The following DNAJC5B variants were observed in gnomAD, a reference collection of about 807,000 sequenced individuals.
DNAJC5B encodes DnaJ heat shock protein family (Hsp40) member C5 beta.
DNAJC5B carries 23 observed loss-of-function variants against 24.7 expected under a neutral mutation model. That is an observed-to-expected ratio of 0.93 (90% CI 0.67 to 1.32). DNAJC5B has a LOEUF of 1.32. Among genes scored for constraint, DNAJC5B ranks in the 40% most tolerant of loss-of-function variants. The pLI, the probability that DNAJC5B is intolerant of heterozygous loss-of-function variation, is 0.00. For missense variants in DNAJC5B, 238 were observed against 240.8 expected, an observed-to-expected ratio of 0.99 and a Z score of 0.08; for synonymous variants, 101 against 90.1, an observed-to-expected ratio of 1.12 and a Z score of -0.68.
intron 4 of DNAJC5B, 61 bp downstream of exon 4, chr8:66,076,934 T>G: frequency 1.3e-6 from 2 of 1,559,816 alleles, no homozygotes; most frequent in Non-Finnish European, 1.8e-6. Context: ...ATCACTCTTT[T>G]AGATTCCATC....
chr8:66,070,740 C>T (rs2128962834), intron 3 of DNAJC5B, among the ~76,000 whole-genome samples: 1 of 152,236 alleles, frequency 6.6e-6, no homozygotes, highest in East Asian at 1.9e-4. Flanking sequence ...CCCGCATAGC[C>T]AAGACAATTC....
At chr8:66,058,322 G>A (rs1807010546) in intron 3 of DNAJC5B, among the ~76,000 whole-genome samples, 1 of 152,146 alleles carries the variant, frequency 6.6e-6, no homozygotes, top group Non-Finnish European at 1.5e-5. Flanking sequence ...CTCGGAGAGG[G>A]AAACCCTGTA....
At chr8:66,070,554 A>G (rs1807323512) in intron 3 of DNAJC5B, among the ~76,000 whole-genome samples, 1 of 152,030 alleles carries the variant, frequency 6.6e-6, no homozygotes, top group African/African-American at 2.4e-5. Flanking sequence ...GAAATAAGAG[A>G]GGACACAAAT....
At chr8:66,060,357 C>T (rs928360385) in intron 3 of DNAJC5B, among the ~76,000 whole-genome samples, 1 of 152,190 alleles carries the variant, frequency 6.6e-6, no homozygotes, top group Non-Finnish European at 1.5e-5. Context: ...GTTCTTTAGA[C>T]GTACCCAGCT....
intron 5 of DNAJC5B, among the ~76,000 whole-genome samples, chr8:66,095,249 T>A (rs1807924939): frequency 6.6e-6 from 1 of 152,096 alleles, no homozygotes; most frequent in Non-Finnish European, 1.5e-5. Context: ...TTGATTTAAT[T>A]TACTTAATGT....
chr8:66,038,759 GGTTCT>G (rs1806542462), intron 1 of DNAJC5B, among the ~76,000 whole-genome samples: 1 of 152,102 alleles, frequency 6.6e-6, no homozygotes. Context: ...CAGGGATCAA[GGTTCT>G]GTTTATGTTT....
At chr8:66,047,760 C>T (rs1806753555) in intron 2 of DNAJC5B, among the ~76,000 whole-genome samples, 1 of 152,180 alleles carries the variant, frequency 6.6e-6, no homozygotes, top group South Asian at 2.1e-4. Context: ...AGGATTCCAG[C>T]CCCTGAGGAG....
rs1375784874 is a variant in DNAJC5B at position 66,099,921 on chromosome 8, C to T, written c.506-16C>T. 4.3e-6 allele frequency: 7 copies of T among 1,609,858 alleles called. No individual in the cohort carries two copies. In the African/African-American group the frequency reaches 8.0e-5, roughly 18 times the overall value. ...CATGATGAGAGTGTTTATTGCTTTG[C>T]TTTGTTTATTTTTAGATGTGGACTT... On this transcript the variant is annotated splice_polypyrimidine_tract_variant and intron_variant, in intron 5 of 5. Transcript: ENST00000276570.
At chr8:66,097,041 A>T (rs1400892192) in intron 5 of DNAJC5B, among the ~76,000 whole-genome samples, 1 of 152,118 alleles carries the variant, frequency 6.6e-6, no homozygotes, top group African/African-American at 2.4e-5. Context: ...TTATAATAAC[A>T]ACCCTACCTC....
At chr8:66,037,844 T>TATCC (rs1247663062) in intron 1 of DNAJC5B, among the ~76,000 whole-genome samples, 1 of 152,198 alleles carries the variant, frequency 6.6e-6, no homozygotes, top group Non-Finnish European at 1.5e-5. Flanking sequence ...GGAGAACGTA[T>TATCC]ATCTATAAAA....
At position 66,076,649 on chromosome 8, in the gene DNAJC5B, T is replaced by G; in HGVS notation, c.120-11T>G. 1 of 1,613,630 alleles carries G rather than the reference T, an allele frequency of 6.2e-7. No homozygotes were observed. Among genetic ancestry groups the G allele is most frequent in the Non-Finnish European group, 8.5e-7 (1 of 1,179,838 alleles). The stretch of plus-strand genomic sequence containing the variant: ...TAACACACTCTCCTTGTTTTTCTTT[T>G]ATTTTAAAAGAAAATTGGCCCTGAA... On this transcript the variant is annotated splice_polypyrimidine_tract_variant and intron_variant, in intron 3 of 5. Transcript: ENST00000276570.
chr8:66,066,387 A>C (rs1482216984), intron 3 of DNAJC5B, among the ~76,000 whole-genome samples: 1 of 152,224 alleles, frequency 6.6e-6, no homozygotes, highest in Non-Finnish European at 1.5e-5. Context: ...GAATATCTAC[A>C]CAAAGGGAAA....
In DNAJC5B at chr8:66,099,956, T is replaced by TC. The variant is rs1808037760; in HGVS notation, c.526dup (p.Leu176ProfsTer8). On this transcript the variant is annotated frameshift_variant, in exon 6 of 6. Transcript: ENST00000276570. LOFTEE classifies it high-confidence loss of function. ...TTTTAGATGTGGACTTTCCAGTTTT[T>TC]CTCCAGCCTACAAATGCAAATGAGA... is the stretch of plus-strand genomic sequence containing the variant. 1 of 1,613,846 alleles carries TC rather than the reference T, an allele frequency of 6.2e-7. No individual in the cohort carries two copies. The highest frequency in any genetic ancestry group is 8.5e-7 in the Non-Finnish European group (1 of 1,179,920).
chr8:66,031,236 A>C (rs1389008144), intron 1 of DNAJC5B, among the ~76,000 whole-genome samples: 4 of 152,254 alleles, frequency 2.6e-5, no homozygotes, highest in Non-Finnish European at 4.4e-5. Flanking sequence ...TAAGGTAATG[A>C]TATTGCCACA....
intron 1 of DNAJC5B, among the ~76,000 whole-genome samples, chr8:66,031,089 G>A (rs1042325260): frequency 7.9e-5 from 12 of 152,246 alleles, no homozygotes; most frequent in African/African-American, 2.2e-4. Context: ...AGACAGTCAG[G>A]TTTGCATATC....
intron 5 of DNAJC5B, among the ~76,000 whole-genome samples, chr8:66,095,675 ACACACACAC>A (rs1807936872): frequency 2.6e-5 from 4 of 151,496 alleles, no homozygotes; most frequent in Non-Finnish European, 4.4e-5. Flanking sequence ...ACACACACAC[ACACACACAC>A]ACACACACAC....
intron 4 of DNAJC5B, among the ~76,000 whole-genome samples, chr8:66,079,370 G>T (rs1330436217): frequency 2.0e-5 from 3 of 152,152 alleles, no homozygotes; most frequent in Non-Finnish European, 2.9e-5. Flanking sequence ...TGTTCTAAAA[G>T]TATCACTTAA....
Position 66,076,671 on chromosome 8 carries a change from T to A in DNAJC5B, c.131T>A (p.Leu44Gln), listed in dbSNP as rs1807470532. 6.2e-7 allele frequency: 1 copy of A among 1,614,086 alleles called. No individual in the cohort carries two copies. Among genetic ancestry groups the A allele is most frequent in the East Asian group, 2.2e-5 (1 of 44,886 alleles). The change falls in exon 4 of 6, where the codon CTG becomes CAG. Residue 44 changes from leucine (L) to glutamine (Q), a missense_variant. Coordinates refer to ENST00000276570, the MANE Select transcript of DNAJC5B (RefSeq NM_033105.6). ...EIKKTYRKLA[L>Q]KHHPDKNPDD... ...TTTTATTTTAAAAGAAAATTGGCCC[T>A]GAAACACCATCCAGACAAGAATCCA...
chr8:66,065,543 C>T (rs989331437), intron 3 of DNAJC5B, among the ~76,000 whole-genome samples: 1 of 152,206 alleles, frequency 6.6e-6, no homozygotes, highest in African/African-American at 2.4e-5. Flanking sequence ...TCCTGAGTCC[C>T]TAAGCCCTGC....
Sources: gnomAD v4.1 joint callset for allele counts (sites outside exome capture counted in the v4.1 genomes callset) on GRCh38, gnomAD v4.1.1 for gene constraint, MANE v1.5 for transcripts, NCBI Gene and HGNC (gene_info 2026-07-23, HGNC 2026-07-21) for gene names.